The following CEP152 variants were observed in gnomAD, a reference collection of about 807,000 sequenced individuals.
The protein encoded by CEP152 is centrosomal protein 152, also known as centrosomal protein of 152 kDa.
Under a neutral mutation model 188.9 loss-of-function variants are expected in CEP152, and 132 were observed. That is an observed-to-expected ratio of 0.70 (90% CI 0.61 to 0.81). CEP152 has a LOEUF of 0.81. Ranked by LOEUF, CEP152 falls within the 30% of genes least tolerant of loss-of-function variation. The pLI, the probability that CEP152 is intolerant of heterozygous loss-of-function variation, is 0.00. For missense variants in CEP152, 1,914 were observed against 1,969.8 expected, an observed-to-expected ratio of 0.97 and a Z score of 0.54; for synonymous variants, 649 against 666.6, an observed-to-expected ratio of 0.97 and a Z score of 0.41.
At position 48,752,333 on chromosome 15, in the gene CEP152, A is replaced by T. The variant is rs1432138938; in HGVS notation, c.3466+16T>A. 6.2e-7 allele frequency: 1 copy of T among 1,613,892 alleles called. No homozygotes were observed. The highest frequency in any genetic ancestry group is 8.5e-7 in the Non-Finnish European group (1 of 1,180,010). ...TATGGATGCTACAAAGACTGGTGGG[A>T]ACAAAATCCAATTACCAGCTTCTGC... On this transcript the variant is annotated intron_variant, in intron 21 of 26. Coordinates refer to ENST00000380950, the MANE Select transcript of CEP152 (RefSeq NM_001194998.2).
At position 48,785,605 on chromosome 15, in the gene CEP152, G is replaced by A. The variant is rs190911171; in HGVS notation, c.1174-1485C>T. ...GCAAACAAAGTTAAAGAAAAGGTAG[G>A]TATAAAAAAATTGTAAAGAAAAGGC... On this transcript the variant is annotated intron_variant, in intron 9 of 26. Coordinates refer to ENST00000380950, the MANE Select transcript of CEP152 (RefSeq NM_001194998.2). Among the ~76,000 whole-genome samples the A allele has an allele frequency of 2.9e-3, 435 of 152,056 alleles. 1 individual carries two copies. Among genetic ancestry groups the A allele is most frequent in the Non-Finnish European group, 4.7e-3 (320 of 67,994 alleles).
intron 12 of CEP152, among the ~76,000 whole-genome samples, chr15:48,775,154 T>C (rs1895809333): frequency 6.6e-6 from 1 of 151,730 alleles, no homozygotes; most frequent in Non-Finnish European, 1.5e-5. Flanking sequence ...AACTGTAGTA[T>C]AATATCAAAA....
intron 21 of CEP152, 57 bp from the exon 22 acceptor site, chr15:48,748,667 TAAAAAA>T: frequency 9.3e-7 from 1 of 1,070,242 alleles, no homozygotes; most frequent in Non-Finnish European, 1.2e-6. Context: ...GAACTATCAT[TAAAAAA>T]AAAAAAAAAA....
chr15:48,785,955 G>C (rs537824313), intron 9 of CEP152, among the ~76,000 whole-genome samples: 26 of 150,600 alleles, frequency 1.7e-4, no homozygotes, highest in African/African-American at 4.6e-4. Flanking sequence ...AGAGATGACA[G>C]CTGAATCTGT....
intron 1 of CEP152, 87 bp downstream of exon 1, chr15:48,810,873 GC>G (rs541342893): frequency 3.3e-5 from 5 of 152,594 alleles, no homozygotes; most frequent in African/African-American, 9.6e-5. Flanking sequence ...GGGCAGGTCA[GC>G]CCCCCCAGGA....
chr15:48,793,587 TGTGACTAG>T, intron 6 of CEP152, 126 bp from the exon 7 acceptor site: 1 of 794,540 alleles, frequency 1.3e-6, no homozygotes, highest in Non-Finnish European at 2.0e-6. Context: ...TTCAGTGAAT[TGTGACTAG>T]GATTAAAAAA....
intron 6 of CEP152, among the ~76,000 whole-genome samples, chr15:48,794,575 T>C (rs941794005): frequency 3.3e-5 from 5 of 152,214 alleles, no homozygotes; most frequent in Admixed American, 1.3e-4. Context: ...TACCATTAAG[T>C]TATTTAATTA....
At chr15:48,768,900 T>C in intron 14 of CEP152, 56 bp downstream of exon 14, 1 of 1,282,984 alleles carries the variant, frequency 7.8e-7, no homozygotes. Context: ...TTATATCCTT[T>C]GTATTTAATG....
At chr15:48,741,432 A>T in intron 26 of CEP152, 169 bp downstream of exon 26, 1 of 1,472,038 alleles carries the variant, frequency 6.8e-7, no homozygotes, top group Non-Finnish European at 8.9e-7. Flanking sequence ...GCCTACTTAA[A>T]TTGGAAACTG....
At chr15:48,801,764 T>C (rs973221910) in intron 2 of CEP152, among the ~76,000 whole-genome samples, 7 of 152,148 alleles carry the variant, frequency 4.6e-5, no homozygotes, top group Non-Finnish European at 4.4e-5. Context: ...TACCAACAAC[T>C]GAGAGGCTTA....
chr15:48,793,220 C>T, intron 7 of CEP152, 101 bp downstream of exon 7: 1 of 1,398,090 alleles, frequency 7.2e-7, no homozygotes, highest in Non-Finnish European at 1.0e-6. Flanking sequence ...GCCCTCTGAC[C>T]AAGTGTTTTT....
chr15:48,754,808 T>A (rs892156414), intron 20 of CEP152, among the ~76,000 whole-genome samples: 2 of 152,186 alleles, frequency 1.3e-5, no homozygotes, highest in Non-Finnish European at 2.9e-5. Context: ...ATTTTTCCAG[T>A]GAGCAACTAT....
chr15:48,731,021 A>G (rs1892404547), intron 2 of CEP152, among the ~76,000 whole-genome samples: 1 of 152,226 alleles, frequency 6.6e-6, no homozygotes, highest in African/African-American at 2.4e-5. Context: ...ATGTGCTTGG[A>G]TGTTGAATAA....
intron 8 of CEP152, chr15:48,789,375 A>G (rs149797153): frequency 3.5e-4 from 97 of 274,400 alleles, no homozygotes; most frequent in African/African-American, 2.1e-3. Context: ...TTGTTAGGTC[A>G]CAGAAAAATG....
chr15:48,730,342 G>A (rs1279791143), intron 2 of CEP152, among the ~76,000 whole-genome samples: 2 of 152,174 alleles, frequency 1.3e-5, no homozygotes, highest in Non-Finnish European at 2.9e-5. Context: ...GCATAGCTCC[G>A]CTAGTCTGAG....
At chr15:48,753,432 A>C (rs757370248) in intron 20 of CEP152, among the ~76,000 whole-genome samples, 1 of 152,226 alleles carries the variant, frequency 6.6e-6, no homozygotes, top group Non-Finnish European at 1.5e-5. Context: ...ATTATTTAAA[A>C]CATACTATAT....
intron 12 of CEP152, among the ~76,000 whole-genome samples, chr15:48,773,728 C>T (rs1895711459): frequency 6.6e-6 from 1 of 152,190 alleles, no homozygotes; most frequent in South Asian, 2.1e-4. Flanking sequence ...AGATTAAAGC[C>T]TTTTCTAAAC....
In CEP152 at chr15:48,738,065, C is replaced by G; in HGVS notation, c.*184G>C. The G allele has an allele frequency of 3.0e-6, 2 of 663,632 alleles. No individual in the cohort carries two copies. Among genetic ancestry groups the G allele is most frequent in the Non-Finnish European group, 4.9e-6 (2 of 405,366 alleles). The allele number at this position is 663,632 out of a possible 1,614,324, so 41.1% of individuals were successfully genotyped here. A position where few individuals can be genotyped will look rare whatever the true frequency, so the allele number is the denominator to read the frequency against. On this transcript the variant is annotated 3_prime_UTR_variant, in exon 27 of 27. Coordinates refer to ENST00000380950, the MANE Select transcript of CEP152 (RefSeq NM_001194998.2). ...CAAAAGCAGATTATACATACACCAT[C>G]AGGCCTTTGGAATATTAAGGCAACA...
At chr15:48,784,376 T>C (rs770666591) in intron 9 of CEP152, among the ~76,000 whole-genome samples, 5 of 152,212 alleles carry the variant, frequency 3.3e-5, no homozygotes, top group Admixed American at 6.5e-5. Flanking sequence ...CTCCTTCAAC[T>C]CTATATTCAC....
Sources: allele counts gnomAD v4.1 joint callset (sites outside exome capture counted in the v4.1 genomes callset), GRCh38; gene constraint gnomAD v4.1.1; transcripts MANE v1.5; gene names NCBI Gene and HGNC (gene_info 2026-07-23, HGNC 2026-07-21).